Variants in CHRNA7 observed in about 807,000 individuals in gnomAD.
CHRNA7 encodes the protein neuronal acetylcholine receptor subunit alpha-7.
In CHRNA7, 17 loss-of-function variants were observed where a neutral mutation model predicts 48.0. The observed-to-expected ratio is 0.35, with a 90% CI of 0.24 to 0.53. The LOEUF (loss-of-function observed/expected upper bound fraction) is 0.53, where lower values mean the gene tolerates loss of function less well. Ranked by LOEUF, CHRNA7 falls within the 20% of genes least tolerant of loss-of-function variation. The pLI is 0.92. For missense variants in CHRNA7, 155 were observed against 577.7 expected, an observed-to-expected ratio of 0.27 and a Z score of 7.50; for synonymous variants, 75 against 242.3, an observed-to-expected ratio of 0.31 and a Z score of 6.41.
chr15:32,057,748 T>A (rs2141199277), intron 2 of CHRNA7, among the ~76,000 whole-genome samples: 2 of 152,274 alleles, frequency 1.3e-5, no homozygotes, highest in Middle Eastern at 6.8e-3. Context: ...AGGTTAAAGA[T>A]CAAGAAAATT....
intron 2 of CHRNA7, among the ~76,000 whole-genome samples, chr15:32,074,938 C>T (rs768109077): frequency 6.6e-5 from 10 of 152,082 alleles, no homozygotes; most frequent in Non-Finnish European, 1.0e-4. Flanking sequence ...CATGTGCCAC[C>T]GCGGCTGGCC....
At chr15:32,154,080 GCT>G in intron 5 of CHRNA7, 94 bp downstream of exon 5, 3 of 386,398 alleles carry the variant, frequency 7.8e-6, no homozygotes. Flanking sequence ...TGGTGGACCA[GCT>G]CTTTGCTTCG....
Position 32,093,147 on chromosome 15 carries a change from C to G in CHRNA7, c.196-8156C>G, listed in dbSNP as rs188441863. Among the ~76,000 whole-genome samples, 294 of 152,272 alleles carry G rather than the reference C, an allele frequency of 1.9e-3. 2 individuals are homozygous for G. The highest frequency in any genetic ancestry group is 6.6e-3 in the African/African-American group (275 of 41,556). On this transcript the variant is annotated intron_variant, in intron 2 of 9. Transcript: ENST00000306901. ...GTTCAGATGAAGTTTGATTCCTGCT[C>G]CACTCAGTATGCCGGAAACCCAGCA...
At chr15:32,119,943 C>T (rs1369473096) in intron 4 of CHRNA7, among the ~76,000 whole-genome samples, 2 of 152,194 alleles carry the variant, frequency 1.3e-5, no homozygotes, top group African/African-American at 4.8e-5. Context: ...CTGTCTGCCT[C>T]ATCCGGTGCT....
Position 32,044,571 on chromosome 15 carries a change from C to T in CHRNA7, c.195+13534C>T, listed in dbSNP as rs139940917. On this transcript the variant is annotated intron_variant, in intron 2 of 9. Coordinates refer to ENST00000306901, the MANE Select transcript of CHRNA7 (RefSeq NM_000746.6). ...GATTACAGGCGTGAGCCACTGTGCC[C>T]GGCCTAGATATTTCTTTAGATATGG... Among the ~76,000 whole-genome samples, 1,022 of 152,300 alleles carry T rather than the reference C, an allele frequency of 6.7e-3. 5 individuals carry two copies. Among genetic ancestry groups the T allele is most frequent in the Non-Finnish European group, 0.011 (726 of 68,022 alleles).
intron 2 of CHRNA7, among the ~76,000 whole-genome samples, chr15:32,074,794 T>C (rs2050111962): frequency 2.0e-5 from 3 of 151,822 alleles, no homozygotes; most frequent in Non-Finnish European, 1.5e-5. Flanking sequence ...ATTACAGGCA[T>C]CCGCCACCAC....
intron 2 of CHRNA7, among the ~76,000 whole-genome samples, chr15:32,083,522 A>G (rs2050248592): frequency 6.6e-6 from 1 of 152,208 alleles, no homozygotes; most frequent in African/African-American, 2.4e-5. Flanking sequence ...TCTAGGTTAT[A>G]ATAAATGTAA....
chr15:32,049,261 T>C (rs2141184448), intron 2 of CHRNA7, among the ~76,000 whole-genome samples: 1 of 152,066 alleles, frequency 6.6e-6, no homozygotes, highest in African/African-American at 2.4e-5. Flanking sequence ...AAGTCTCCCA[T>C]TATTATTGTG....
intron 4 of CHRNA7, chr15:32,112,110 C>T (rs948382566): frequency 9.5e-6 from 6 of 630,316 alleles, no homozygotes; most frequent in East Asian, 2.8e-5. Context: ...CACGTGCACA[C>T]GCTGGCTAGC....
chr15:32,037,044 A>T (rs1312223944), intron 2 of CHRNA7, among the ~76,000 whole-genome samples: 1 of 152,110 alleles, frequency 6.6e-6, no homozygotes, highest in African/African-American at 2.4e-5. Context: ...ATTATCTTCT[A>T]GGAGTTTTAT....
At chr15:32,031,715 C>T (rs894018560) in intron 2 of CHRNA7, among the ~76,000 whole-genome samples, 1 of 152,232 alleles carries the variant, frequency 6.6e-6, no homozygotes, top group Non-Finnish European at 1.5e-5. Context: ...TGCTAGTGCC[C>T]ACTTCAGTTA....
chr15:32,135,491 T>C (rs1384041928), intron 4 of CHRNA7, among the ~76,000 whole-genome samples: 1 of 152,186 alleles, frequency 6.6e-6, no homozygotes, highest in African/African-American at 2.4e-5. Context: ...AAATCACTAC[T>C]GGGCGACTGA....
intron 4 of CHRNA7, among the ~76,000 whole-genome samples, chr15:32,125,115 A>G (rs1215423094): frequency 1.3e-5 from 2 of 152,226 alleles, no homozygotes; most frequent in Admixed American, 1.3e-4. Context: ...AAAAAACACT[A>G]TCATTACTTC....
At position 32,030,644 on chromosome 15, in the gene CHRNA7, T is replaced by C; in HGVS notation, c.50T>C (p.Leu17Pro). Residue 17 changes from leucine (L) to proline (P), a missense_variant, in exon 1 of 10, where the codon CTG becomes CCG. Coordinates refer to ENST00000306901, the MANE Select transcript of CHRNA7 (RefSeq NM_000746.6). ...GVWLALAASLLHVSLQGEFQR... is the reference protein window; with the variant it reads ...GVWLALAASLPHVSLQGEFQR... ...TGGCTGGCGCTGGCCGCGTCGCTCC[T>C]GCACGGTAAAGCCACTGCCTCCCCG... The C allele has an allele frequency of 6.3e-7, 1 of 1,578,648 alleles. No individual in the cohort carries two copies. Among genetic ancestry groups the C allele is most frequent in the Non-Finnish European group, 8.6e-7 (1 of 1,166,714 alleles).
chr15:32,104,081 C>T (rs2050619924), intron 3 of CHRNA7, among the ~76,000 whole-genome samples: 1 of 152,232 alleles, frequency 6.6e-6, no homozygotes, highest in East Asian at 1.9e-4. Flanking sequence ...CAGCATATAC[C>T]TTCTTGGCAC....
intron 4 of CHRNA7, among the ~76,000 whole-genome samples, chr15:32,130,741 T>G (rs565387855): frequency 1.3e-5 from 2 of 152,148 alleles, no homozygotes; most frequent in East Asian, 3.9e-4. Flanking sequence ...ACTACTGATA[T>G]AAACATCTTA....
chr15:32,041,218 T>A (rs914354683), intron 2 of CHRNA7, among the ~76,000 whole-genome samples: 6 of 152,188 alleles, frequency 3.9e-5, no homozygotes, highest in African/African-American at 1.4e-4. Flanking sequence ...TTTGGGGAAA[T>A]TCTCAATCAT....
Position 32,040,680 on chromosome 15 carries a change from A to G in CHRNA7, c.195+9643A>G, listed in dbSNP as rs2049432758. ...AAGTATAATAAAATACATTTTTGCT[A>G]TTGTTACTTTGAACAAACTGTTATC... On this transcript the variant is annotated intron_variant, in intron 2 of 9. Coordinates refer to ENST00000306901, the MANE Select transcript of CHRNA7 (RefSeq NM_000746.6). 2.6e-5 allele frequency among the ~76,000 whole-genome samples: 4 copies of G among 151,860 alleles called. No individual in the cohort carries two copies. In the South Asian group the frequency reaches 8.3e-4, roughly 32 times the overall value.
Position 32,124,135 on chromosome 15 carries a change from T to C in CHRNA7, c.350+12236T>C, listed in dbSNP as rs1456809671. Among the ~76,000 whole-genome samples the C allele has an allele frequency of 2.0e-5, 3 of 152,166 alleles. No homozygotes were observed. In the South Asian group the frequency reaches 6.2e-4, roughly 31 times the overall value. On this transcript the variant is annotated intron_variant, in intron 4 of 9. Transcript: ENST00000306901. Reference sequence around the variant, plus strand: ...TTCAAAAAATCAAAATCCAACTATATTGTATATACAGAAGGTAGATTTTAA... The same window carrying C: ...TTCAAAAAATCAAAATCCAACTATACTGTATATACAGAAGGTAGATTTTAA...
Sources: gnomAD v4.1 joint callset for allele counts (sites outside exome capture counted in the v4.1 genomes callset) on GRCh38, gnomAD v4.1.1 for gene constraint, MANE v1.5 for transcripts, NCBI Gene and HGNC (gene_info 2026-07-23, HGNC 2026-07-21) for gene names.